GSR: variants seen among roughly 807,000 people sequenced by gnomAD.
GSR encodes glutathione-disulfide reductase, also known as glutathione reductase, mitochondrial.
A neutral mutation model predicts 56.5 loss-of-function variants in GSR; 48 were observed. That is an observed-to-expected ratio of 0.85 (90% confidence interval 0.67 to 1.08). The LOEUF (loss-of-function observed/expected upper bound fraction) is 1.08. Among genes scored for constraint, GSR ranks in the 50% least tolerant of loss-of-function variants. The probability of loss-of-function intolerance (pLI) is 0.00; values close to 1 mark genes in which losing one functional copy is unlikely to be tolerated. For synonymous variants in GSR, 264 were observed against 270.8 expected, an observed-to-expected ratio of 0.97 and a Z score of 0.25; for missense variants, 694 against 703.3, an observed-to-expected ratio of 0.99 and a Z score of 0.15.
chr8:30,726,752 C>G (rs1168864573), intron 1 of GSR: 2 of 152,006 alleles, frequency 1.3e-5, no homozygotes, highest in African/African-American at 2.4e-5. Flanking sequence ...AGGGCAAGAC[C>G]CTGTCTCAAA....
At chr8:30,719,232 G>A (rs1228368420) in intron 1 of GSR, among the ~76,000 whole-genome samples, 3 of 150,394 alleles carry the variant, frequency 2.0e-5, no homozygotes, top group South Asian at 2.1e-4. Context: ...TCAGCCTCCC[G>A]AGTAGCTGGG....
In GSR at chr8:30,692,958, T is replaced by C; in HGVS notation, c.882+11A>G. 6.3e-7 allele frequency: 1 copy of C among 1,578,610 alleles called. No homozygotes were observed. The highest frequency in any genetic ancestry group is 8.7e-7 in the Non-Finnish European group (1 of 1,149,044). ...TGGGGGCCGCGTGCATGCCTGGGCT[T>C]GGCACTGTACCTGGGAGAACTTCAG... is the stretch of plus-strand genomic sequence containing the variant. On this transcript the variant is annotated intron_variant, in intron 8 of 12. Coordinates refer to ENST00000221130, the MANE Select transcript of GSR (RefSeq NM_000637.5).
At chr8:30,713,323 C>T (rs1804217177) in intron 1 of GSR, among the ~76,000 whole-genome samples, 1 of 151,858 alleles carries the variant, frequency 6.6e-6, no homozygotes, top group Non-Finnish European at 1.5e-5. Context: ...AGTCATGAGC[C>T]ACTGTGCCCA....
At chr8:30,707,500 T>C (rs528790818) in intron 4 of GSR, among the ~76,000 whole-genome samples, 44 of 152,008 alleles carry the variant, frequency 2.9e-4, no homozygotes, top group Non-Finnish European at 6.0e-4. Flanking sequence ...CTCTACAAAA[T>C]ATTTTAAAAA....
chr8:30,706,555 A>G (rs535053690), intron 4 of GSR, among the ~76,000 whole-genome samples: 1 of 152,156 alleles, frequency 6.6e-6, no homozygotes, highest in Non-Finnish European at 1.5e-5. Flanking sequence ...TCTTAGAAAC[A>G]GCAAAGTGAG....
intron 9 of GSR, among the ~76,000 whole-genome samples, chr8:30,687,351 T>C (rs1299145600): frequency 1.3e-5 from 2 of 151,906 alleles, no homozygotes; most frequent in East Asian, 3.9e-4. Context: ...CTCTATCAAA[T>C]ATATACGCCT....
Position 30,727,788 on chromosome 8 carries a change from C to A in GSR, c.48G>T (p.Trp16Cys). ...RALSAGAGPS[W>C]RRAARAFRGF... The stretch of plus-strand genomic sequence containing the variant: ...CTCGGAAGGCGCGCGCCGCCCGCCG[C>A]CAGCTCGGTCCCGCGCCGGCGCTCA... Residue 16 changes from tryptophan to cysteine, a missense_variant, in exon 1 of 13, where the codon TGG (tryptophan) becomes TGT (cysteine). Transcript: ENST00000221130. 1 of 1,344,372 alleles carries A rather than the reference C, an allele frequency of 7.4e-7. No individual in the cohort carries two copies. The highest frequency in any genetic ancestry group is 9.5e-7 in the Non-Finnish European group (1 of 1,048,092). The allele number at this position is 1,344,372 out of a possible 1,614,324, so 83.3% of individuals were successfully genotyped here.
Position 30,679,323 on chromosome 8 carries a change from G to A in GSR, c.*197C>T. 1.7e-6 allele frequency: 1 copy of A among 602,872 alleles called. No homozygotes were observed. The highest frequency in any genetic ancestry group is 2.9e-6 in the Non-Finnish European group (1 of 342,644). The allele number at this position is 602,872 out of a possible 1,614,324, so 37.3% of individuals were successfully genotyped here. On this transcript the variant is annotated 3_prime_UTR_variant, in exon 13 of 13. Coordinates refer to ENST00000221130, the MANE Select transcript of GSR (RefSeq NM_000637.5). ...TAATTACTGTGAGATGTGATCAAAT[G>A]AAAATCAATCCTGGATAACACTACA...
intron 3 of GSR, among the ~76,000 whole-genome samples, chr8:30,708,922 G>A (rs1218504967): frequency 1.4e-5 from 2 of 144,034 alleles, no homozygotes; most frequent in African/African-American, 5.2e-5. Flanking sequence ...TCGCACCACT[G>A]CACTCCAGCC....
At chr8:30,710,928 C>T (rs1276176140) in intron 2 of GSR, among the ~76,000 whole-genome samples, 1 of 151,532 alleles carries the variant, frequency 6.6e-6, no homozygotes, top group Admixed American at 6.6e-5. Context: ...AATTTACCAC[C>T]ATAACTGGTT....
rs1350803938 is a variant in GSR at position 30,703,188 on chromosome 8, G to A, written c.545C>T (p.Pro182Leu). 6.2e-7 allele frequency: 1 copy of A among 1,614,012 alleles called. No homozygotes were observed. Among genetic ancestry groups the A allele is most frequent in the African/African-American group, 1.3e-5 (1 of 75,026 alleles). ...GHAAFTSDPK[P>L]TIEVSGKKYT... ...CTTTTTCCCACTGACCTCTATTGTGGGCTTGGGATCACTCGTGAAGGCTGC... is the reference window on the plus strand; with the variant it reads ...CTTTTTCCCACTGACCTCTATTGTGAGCTTGGGATCACTCGTGAAGGCTGC... The change falls in exon 5 of 13, where the codon CCC becomes CTC. Residue 182 changes from proline (P) to leucine (L), a missense_variant. Transcript: ENST00000221130.
intron 1 of GSR, among the ~76,000 whole-genome samples, 190 bp from the exon 2 acceptor site, chr8:30,712,278 G>C (rs1586062795): frequency 1.3e-5 from 2 of 152,166 alleles, no homozygotes; most frequent in South Asian, 4.1e-4. Context: ...TAATGAGGGA[G>C]AGAAGTTCAT....
intron 5 of GSR, among the ~76,000 whole-genome samples, chr8:30,702,088 G>A (rs113045897): frequency 5.9e-5 from 9 of 151,656 alleles, no homozygotes; most frequent in African/African-American, 2.2e-4. Flanking sequence ...AGTGGCTCAC[G>A]CCTGTAATCC....
At chr8:30,720,945 G>C (rs561549780) in intron 1 of GSR, among the ~76,000 whole-genome samples, 1 of 151,892 alleles carries the variant, frequency 6.6e-6, no homozygotes, top group African/African-American at 2.4e-5. Context: ...ACAACACAGC[G>C]AGACCCCATC....
chr8:30,686,703 A>C (rs3779646), intron 9 of GSR, among the ~76,000 whole-genome samples: 23,502 of 149,528 alleles, frequency 0.16, 2,373 homozygotes, highest in East Asian at 0.35. Flanking sequence ...CAACCCCCCC[A>C]AAAAAAGTTA....
At chr8:30,708,167 C>T in intron 3 of GSR, 26 bp from the exon 4 acceptor site, 1 of 1,546,480 alleles carries the variant, frequency 6.5e-7, no homozygotes, top group Non-Finnish European at 8.9e-7. Context: ...AGTCAGTATT[C>T]AGAAACAGGA....
chr8:30,697,880 C>T (rs1352950858), intron 6 of GSR, among the ~76,000 whole-genome samples: 28 of 151,978 alleles, frequency 1.8e-4, no homozygotes, highest in Admixed American at 1.8e-3. Context: ...TTGCAGAGAT[C>T]GGGTTGTGCT....
At chr8:30,688,446 G>C (rs907537180) in intron 9 of GSR, among the ~76,000 whole-genome samples, 10 of 151,798 alleles carry the variant, frequency 6.6e-5, no homozygotes, top group Non-Finnish European at 8.8e-5. Context: ...AGGTGTGGTG[G>C]CACATTCCTG....
chr8:30,684,856 C>G (rs940153672), intron 9 of GSR, among the ~76,000 whole-genome samples: 2 of 152,146 alleles, frequency 1.3e-5, no homozygotes, highest in African/African-American at 4.8e-5. Context: ...CTTAAGCAAT[C>G]CTCCTGCTTA....
Sources: gnomAD v4.1 joint callset for allele counts (sites outside exome capture counted in the v4.1 genomes callset) on GRCh38, gnomAD v4.1.1 for gene constraint, MANE v1.5 for transcripts, NCBI Gene and HGNC (gene_info 2026-07-23, HGNC 2026-07-21) for gene names.